PDE4A: variants seen among roughly 807,000 people sequenced by gnomAD.
PDE4A encodes the protein 3',5'-cyclic-AMP phosphodiesterase 4A.
PDE4A carries 21 observed loss-of-function variants against 73.9 expected under a neutral mutation model. The observed-to-expected ratio is 0.28, with a 90% CI of 0.20 to 0.41. The LOEUF (loss-of-function observed/expected upper bound fraction) is 0.41, where lower values mean the gene tolerates loss of function less well. Ranked by LOEUF, PDE4A falls within the 10% of genes least tolerant of loss-of-function variation. The probability of loss-of-function intolerance (pLI) is 1.00; values close to 1 mark genes in which losing one functional copy is unlikely to be tolerated. For missense variants in PDE4A, 958 were observed against 1,211.4 expected (o/e 0.79, Z 3.10); for synonymous variants, 463 against 505.4 (o/e 0.92, Z 1.13).
chr19:10,446,358 A>G lies in PDE4A; in HGVS notation c.461A>G (p.Tyr154Cys), dbSNP rs201769673. ...ESFLYRSDSD[Y>C]DMSPKTMSRN... ...TTCCTGTACCGCTCAGACAGCGACT[A>G]TGACATGTCACCCAAGACCATGTCC... is the stretch of plus-strand genomic sequence containing the variant. The change falls in exon 2 of 15, where the codon TAT (tyrosine) becomes TGT (cysteine). Residue 154 changes from tyrosine to cysteine, a missense_variant. Physicochemically the swap from Tyr to Cys is radical, Grantham distance 194. Transcript: ENST00000380702. 1 of 1,613,866 alleles carries G rather than the reference A, an allele frequency of 6.2e-7. No individual in the cohort carries two copies. The highest frequency in any genetic ancestry group is 8.5e-7 in the Non-Finnish European group (1 of 1,179,792).
rs1568378638 is a variant in PDE4A at position 10,453,490 on chromosome 19, G to T, written c.784-1339G>T. Among the ~76,000 whole-genome samples the T allele has an allele frequency of 6.6e-6, 1 of 152,098 alleles. No homozygotes were observed. The highest frequency in any genetic ancestry group is 1.5e-5 in the Non-Finnish European group (1 of 68,008). ...TGGGCGTGGATGGCGGGCAGCTGGG[G>T]GTGTGTGACTCTCCCTGGGGGTGGA... On this transcript the variant is annotated intron_variant, in intron 6 of 14. Transcript: ENST00000380702. The surrounding 1 kb of genome is among the most constrained non-coding windows in gnomAD (Gnocchi z 4.6).
chr19:10,445,378 C>T (rs1246151633), intron 1 of PDE4A, among the ~76,000 whole-genome samples: 1 of 152,188 alleles, frequency 6.6e-6, no homozygotes, highest in Non-Finnish European at 1.5e-5. Flanking sequence ...GGGGTGTCCC[C>T]AGCACAGCAG....
intron 6 of PDE4A, 130 bp downstream of exon 6, chr19:10,451,071 G>A: frequency 2.2e-6 from 2 of 893,502 alleles, no homozygotes; most frequent in Non-Finnish European, 3.5e-6. Context: ...GTTCCTGTGG[G>A]CGGAGATAGC....
chr19:10,456,783 A>G (rs1261483429), intron 7 of PDE4A, among the ~76,000 whole-genome samples: 1 of 152,186 alleles, frequency 6.6e-6, no homozygotes, highest in Non-Finnish European at 1.5e-5. Flanking sequence ...CCTTAAGTTC[A>G]TGGGTACCTC....
chr19:10,463,178 C>A (rs1303952738), intron 13 of PDE4A, among the ~76,000 whole-genome samples: 1 of 151,916 alleles, frequency 6.6e-6, no homozygotes, highest in African/African-American at 2.4e-5. Flanking sequence ...CAAACTCCGC[C>A]TCCTGGGCTG....
Position 10,421,148 on chromosome 19 carries a change from C to T in PDE4A, c.320+64C>T, listed in dbSNP as rs2042646195. The stretch of plus-strand genomic sequence containing the variant: ...GCGCGCAGGGAGGAGGCAACTCGAG[C>T]TGCCGGCCGCAGGGGGCGCTAGGAT... On this transcript the variant is annotated intron_variant, in intron 1 of 14. Transcript: ENST00000380702. The T allele has an allele frequency of 3.7e-6, 5 of 1,338,612 alleles. No individual in the cohort carries two copies. The East Asian group carries it at 1.3e-4, about 34-fold the overall frequency. 82.9% of individuals were successfully genotyped at this position (1,338,612 alleles called of 1,614,324 possible).
Position 10,461,661 on chromosome 19 carries a change from G to T in PDE4A, c.1601G>T (p.Arg534Leu). The T allele has an allele frequency of 8.2e-7, 1 of 1,224,880 alleles. No individual in the cohort carries two copies. Among genetic ancestry groups the T allele is most frequent in the Non-Finnish European group, 1.1e-6 (1 of 875,060 alleles). 75.9% of individuals were successfully genotyped at this position (1,224,880 alleles called of 1,614,324 possible). The change falls in exon 12 of 15, where the codon CGC becomes CTC. Residue 534 changes from arginine (R) to leucine (L), a missense_variant. Transcript: ENST00000380702. ...AGCAAGCGCCAGCGGCAGAGCCTAC[G>T]CAAGATGGTCATCGACATGGTGGGC... ...NLSKRQRQSL[R>L]KMVIDMVLAT...
Position 10,467,232 on chromosome 19 carries a change from C to T in PDE4A, c.2272C>T (p.Gln758Ter). The change falls in exon 15 of 15, where the codon CAG becomes TAG. Residue 758 changes from glutamine to a stop codon, truncating the protein, a stop_gained. Transcript: ENST00000380702. LOFTEE classifies it low-confidence loss of function (END_TRUNC). ...ATIAWEASPA[Q>*]ESLEVMAQEA... The stretch of plus-strand genomic sequence containing the variant: ...CATAGCCTGGGAGGCATCCCCGGCC[C>T]AGGAGTCGTTGGAAGTTATGGCACA... 6.2e-7 allele frequency: 1 copy of T among 1,614,186 alleles called. No homozygotes were observed. Among genetic ancestry groups the T allele is most frequent in the Non-Finnish European group, 8.5e-7 (1 of 1,180,034 alleles).
At chr19:10,421,348 G>A in intron 1 of PDE4A, 1 of 985,046 alleles carries the variant, frequency 1.0e-6, no homozygotes, top group Non-Finnish European at 1.2e-6. Flanking sequence ...TTGGGGAAGG[G>A]GGCTGCACAC....
chr19:10,450,940 A>G lies in PDE4A; in HGVS notation c.782A>G (p.Lys261Arg). The G allele has an allele frequency of 6.3e-7, 1 of 1,584,960 alleles. No homozygotes were observed. The highest frequency in any genetic ancestry group is 2.3e-5 in the East Asian group (1 of 43,382). ...YRSVSEMASH[K>R]FKRMLNRELT... ...TCTGTCAGCGAGATGGCCTCGCACA[A>G]GGTGTGCAGGTGGTGGGCAGAACCC... The change falls in exon 6 of 15, where the codon AAG becomes AGG. Residue 261 changes from lysine (K) to arginine (R), a missense_variant and splice_region_variant. Physicochemically the swap from Lys to Arg is conservative, Grantham distance 26. Transcript: ENST00000380702.
intron 2 of PDE4A, among the ~76,000 whole-genome samples, chr19:10,447,468 G>A (rs367597782): frequency 1.5e-4 from 22 of 150,974 alleles, no homozygotes; most frequent in Non-Finnish European, 3.2e-4. Context: ...CTCATGATCC[G>A]CCTACCTCGG....
chr19:10,432,562 G>C lies in PDE4A; in HGVS notation c.320+11478G>C, dbSNP rs1487375253. 3.3e-6 allele frequency: 5 copies of C among 1,523,618 alleles called. No individual in the cohort carries two copies. In the Admixed American group the frequency reaches 1.1e-4, roughly 32 times the overall value. 94.4% of individuals were successfully genotyped at this position (1,523,618 alleles called of 1,614,324 possible). ...GACACCCGTCGGCACCCTCCGGGCA[G>C]ATCTGTCAGGTGGGTGGCCCGTGGC... On this transcript the variant is annotated intron_variant, in intron 1 of 14. Transcript: ENST00000380702.
upstream of PDE4A, chr19:10,417,912 G>A (rs1230898821): frequency 1.3e-6 from 2 of 1,519,306 alleles, no homozygotes; most frequent in Non-Finnish European, 1.8e-6. Flanking sequence ...GGGAGGCACA[G>A]TGCCAACTGG....
chr19:10,420,888 C>T lies in PDE4A; in HGVS notation c.124C>T (p.Arg42Cys), dbSNP rs1252093571. The change falls in exon 1 of 15, where the codon CGT (arginine) becomes TGT (cysteine). Residue 42 changes from arginine (R) to cysteine (C), a missense_variant. Around this residue, in one of 3 missense-constraint regions of PDE4A, gnomAD observed 145 missense variants for 137.8 expected, o/e 1.05. Coordinates refer to ENST00000380702, the MANE Select transcript of PDE4A (RefSeq NM_001111307.2). This position sits in a 1 kb window ranked among gnomAD's most constrained non-coding sequence, Gnocchi z 6.0. Reference protein sequence around the residue: ...HLWRQPRTPIRIQQRGYSDSA... With the variant: ...HLWRQPRTPICIQQRGYSDSA... Reference sequence around the variant, plus strand: ...GTGGCGGCAGCCTCGGACCCCCATCCGTATCCAGCAGCGCGGCTACTCCGA... The same window carrying T: ...GTGGCGGCAGCCTCGGACCCCCATCTGTATCCAGCAGCGCGGCTACTCCGA... 3.8e-6 allele frequency: 6 copies of T among 1,589,446 alleles called. No homozygotes were observed. The highest frequency in any genetic ancestry group is 1.4e-5 in the African/African-American group (1 of 73,780).
At chr19:10,435,583 C>G (rs1568369055) in intron 1 of PDE4A, among the ~76,000 whole-genome samples, 1 of 151,810 alleles carries the variant, frequency 6.6e-6, no homozygotes, top group Non-Finnish European at 1.5e-5. Flanking sequence ...CACACACACA[C>G]ACACACACAA....
intron 1 of PDE4A, among the ~76,000 whole-genome samples, chr19:10,422,867 T>C (rs188091138): frequency 3.8e-4 from 58 of 152,296 alleles, no homozygotes; most frequent in African/African-American, 1.4e-3. Flanking sequence ...GTCACTGTCC[T>C]AAGACACCAA....
At chr19:10,427,494 G>T in intron 1 of PDE4A, 1 of 985,348 alleles carries the variant, frequency 1.0e-6, no homozygotes, top group East Asian at 1.1e-4. Context: ...TCATGTAAGG[G>T]CTCATAGACC....
At chr19:10,430,578 G>A (rs1484544065) in intron 1 of PDE4A, among the ~76,000 whole-genome samples, 1 of 152,074 alleles carries the variant, frequency 6.6e-6, no homozygotes, top group Non-Finnish European at 1.5e-5. Flanking sequence ...TGTCCCTGGT[G>A]TTTGTGGGGA....
intron 1 of PDE4A, among the ~76,000 whole-genome samples, chr19:10,441,772 C>G (rs536596433): frequency 6.2e-5 from 9 of 146,020 alleles, no homozygotes; most frequent in African/African-American, 2.0e-4. Flanking sequence ...TCACTGCAAC[C>G]TCCGCCTCCT....
Sources: gnomAD v4.1 joint callset for allele counts (sites outside exome capture counted in the v4.1 genomes callset) on GRCh38, gnomAD v4.1.1 for gene constraint, gnomAD v4.1.1 regional missense constraint, Gnocchi (gnomAD v3.1) non-coding constraint, MANE v1.5 for transcripts, NCBI Gene and HGNC (gene_info 2026-07-23, HGNC 2026-07-21) for gene names.